Variants in ZCCHC14 observed in about 807,000 individuals in gnomAD.
The protein encoded by ZCCHC14 is zinc finger CCHC domain-containing protein 14.
A neutral mutation model predicts 85.0 loss-of-function variants in ZCCHC14; 16 were observed. The observed-to-expected ratio is 0.19, with a 90% CI of 0.13 to 0.29. The LOEUF is 0.29. Among genes scored for constraint, ZCCHC14 ranks in the 10% least tolerant of loss-of-function variants. The pLI is 1.00. For synonymous variants in ZCCHC14, 775 were observed against 630.7 expected (o/e 1.23, Z -3.43); for missense variants, 1,303 against 1,443.5 (o/e 0.90, Z 1.58).
rs183456742 is a variant in ZCCHC14 at position 87,449,414 on chromosome 16, C to T, written c.694+10594G>A. Among the ~76,000 whole-genome samples the T allele has an allele frequency of 3.9e-3, 592 of 152,126 alleles. 2 individuals carry two copies. The highest frequency in any genetic ancestry group is 5.1e-3 in the Non-Finnish European group (349 of 68,018). On this transcript the variant is annotated intron_variant, in intron 2 of 12. Transcript: ENST00000671377. ...GGGGAAGGGCACCATGGTTCCTGGG[C>T]TCCTAGGCCCTCCATCCATGATCAC...
chr16:87,483,023 G>C (rs1912356302), intron 1 of ZCCHC14, among the ~76,000 whole-genome samples: 1 of 151,496 alleles, frequency 6.6e-6, no homozygotes, highest in African/African-American at 2.4e-5. Flanking sequence ...ATACCAAAAA[G>C]GACTGATAAA....
At chr16:87,424,940 G>A (rs1394963799) in intron 3 of ZCCHC14, among the ~76,000 whole-genome samples, 1 of 152,112 alleles carries the variant, frequency 6.6e-6, no homozygotes, top group East Asian at 1.9e-4. Context: ...AGAAAACGCT[G>A]TATTAACACT....
chr16:87,445,728 T>C (rs1206468473), intron 2 of ZCCHC14, among the ~76,000 whole-genome samples: 1 of 152,204 alleles, frequency 6.6e-6, no homozygotes, highest in Non-Finnish European at 1.5e-5. Flanking sequence ...GCTGACCATC[T>C]GGCCAAGAAC....
At chr16:87,489,238 G>A (rs1484166091) in intron 1 of ZCCHC14, among the ~76,000 whole-genome samples, 3 of 152,050 alleles carry the variant, frequency 2.0e-5, no homozygotes, top group African/African-American at 4.8e-5. Context: ...TAGAAACCAC[G>A]GTTGTTTTGA....
At chr16:87,476,036 G>A (rs1008670758) in intron 1 of ZCCHC14, among the ~76,000 whole-genome samples, 3 of 152,228 alleles carry the variant, frequency 2.0e-5, no homozygotes, top group African/African-American at 7.2e-5. Flanking sequence ...GCCAACAGCA[G>A]AGCCCTGGAG....
At chr16:87,425,326 C>G (rs1909312887) in intron 3 of ZCCHC14, among the ~76,000 whole-genome samples, 1 of 152,146 alleles carries the variant, frequency 6.6e-6, no homozygotes, top group Non-Finnish European at 1.5e-5. Flanking sequence ...CCTGTAATCC[C>G]AGCACTTTGG....
intron 2 of ZCCHC14, 103 bp from the exon 3 acceptor site, chr16:87,433,304 C>A: frequency 7.3e-6 from 8 of 1,092,424 alleles, no homozygotes; most frequent in Non-Finnish European, 1.1e-5. Flanking sequence ...AGGTTCTCAG[C>A]ACCCAAGGCT....
chr16:87,492,397 C>A lies in ZCCHC14; in HGVS notation c.-159G>T, dbSNP rs1354837192. On this transcript the variant is annotated 5_prime_UTR_variant, in exon 1 of 13. Transcript: ENST00000671377. The surrounding 1 kb of genome is among the most constrained non-coding windows in gnomAD (Gnocchi z 6.7). Reference sequence around the variant, plus strand: ...CGGGCGCCGCGGGCCGGGCGGGCGCCGGGGCGGGGGCGGGGACCGGGGCCG... The same window carrying A: ...CGGGCGCCGCGGGCCGGGCGGGCGCAGGGGCGGGGGCGGGGACCGGGGCCG... Among the ~76,000 whole-genome samples, 2 of 140,622 alleles carry A rather than the reference C, an allele frequency of 1.4e-5. No individual in the cohort carries two copies. The highest frequency in any genetic ancestry group is 5.1e-5 in the African/African-American group (2 of 39,064). 92.3% of individuals were successfully genotyped at this position (140,622 alleles called of 152,430 possible). A position where few individuals can be genotyped will look rare whatever the true frequency, so the allele number is the denominator to read the frequency against.
chr16:87,479,558 G>C (rs574295321), intron 1 of ZCCHC14, among the ~76,000 whole-genome samples: 33 of 152,246 alleles, frequency 2.2e-4, no homozygotes, highest in Non-Finnish European at 3.8e-4. Flanking sequence ...ACTGTTGAAA[G>C]TATAAAAGAA....
intron 7 of ZCCHC14, 159 bp from the exon 8 acceptor site, chr16:87,417,901 G>T: frequency 1.2e-6 from 1 of 827,244 alleles, no homozygotes; most frequent in Non-Finnish European, 1.8e-6. Flanking sequence ...GCTGTGCTAT[G>T]ACTGCCCTCC....
intron 1 of ZCCHC14, chr16:87,467,756 A>G (rs1031524118): frequency 3.7e-6 from 2 of 536,084 alleles, no homozygotes; most frequent in Admixed American, 5.8e-5. Context: ...GGTTCACACC[A>G]TTCTCCTGCC....
intron 2 of ZCCHC14, among the ~76,000 whole-genome samples, 167 bp from the exon 3 acceptor site, chr16:87,433,368 G>A (rs948087751): frequency 2.6e-5 from 4 of 152,182 alleles, no homozygotes; most frequent in Non-Finnish European, 4.4e-5. Context: ...AGAGGAAGGC[G>A]GGCGGCAGCA....
In ZCCHC14 at chr16:87,409,099, G is replaced by C. The variant is rs759017057; in HGVS notation, c.*1181C>G. On this transcript the variant is annotated 3_prime_UTR_variant, in exon 13 of 13. Transcript: ENST00000671377. Reference sequence around the variant, plus strand: ...GACTTGCACAGATCTCGCAGCTCTCGGGTGTGTGGCCTCTTCCAGAGTCCT... The same window carrying C: ...GACTTGCACAGATCTCGCAGCTCTCCGGTGTGTGGCCTCTTCCAGAGTCCT... 6.6e-6 allele frequency: 1 copy of C among 152,292 alleles called. No individual in the cohort carries two copies. Among genetic ancestry groups the C allele is most frequent in the Non-Finnish European group, 1.5e-5 (1 of 68,030 alleles). 9.4% of individuals were successfully genotyped at this position (152,292 alleles called of 1,614,324 possible). A position where few individuals can be genotyped will look rare whatever the true frequency, so the allele number is the denominator to read the frequency against.
Position 87,491,441 on chromosome 16 carries a change from T to C in ZCCHC14, c.570+228A>G, listed in dbSNP as rs184885678. Among the ~76,000 whole-genome samples, 1,311 of 149,572 alleles carry C rather than the reference T, an allele frequency of 8.8e-3. 19 individuals are homozygous for C. The highest frequency in any genetic ancestry group is 0.032 in the African/African-American group (1,258 of 39,864). On this transcript the variant is annotated intron_variant, in intron 1 of 12. Coordinates refer to ENST00000671377, the MANE Select transcript of ZCCHC14 (RefSeq NM_015144.3). This position sits in a 1 kb window ranked among gnomAD's most constrained non-coding sequence, Gnocchi z 5.9. ...TACGGCGGAGGCTTGGGATGTACGG[T>C]GGAGGCTTGGAGAGGTGGGGCACAC...
intron 3 of ZCCHC14, among the ~76,000 whole-genome samples, chr16:87,429,744 T>A (rs1159058062): frequency 6.6e-6 from 1 of 152,186 alleles, no homozygotes; most frequent in Admixed American, 6.5e-5. Flanking sequence ...GCAGCTAGGA[T>A]TACAGGTACC....
intron 2 of ZCCHC14, 119 bp from the exon 3 acceptor site, chr16:87,433,320 G>C: frequency 1.1e-6 from 1 of 922,166 alleles, no homozygotes; most frequent in Non-Finnish European, 1.6e-6. Context: ...AGGCTGTCCT[G>C]TCACTTTGGT....
rs771741816 is a variant in ZCCHC14, at chr16:87,413,208, G to A, written c.1604-13C>T. On this transcript the variant is annotated splice_polypyrimidine_tract_variant and intron_variant, in intron 10 of 12. Transcript: ENST00000671377. ...TCCACCCGCAGCTCTGCAGAAAAGG[G>A]ACAGAGGAGCAGCCATCAACTAGCG... 6.5e-7 allele frequency: 1 copy of A among 1,534,418 alleles called. No individual in the cohort carries two copies. The highest frequency in any genetic ancestry group is 8.8e-7 in the Non-Finnish European group (1 of 1,142,254).
At chr16:87,469,190 G>A (rs1045132759) in intron 1 of ZCCHC14, among the ~76,000 whole-genome samples, 1 of 152,128 alleles carries the variant, frequency 6.6e-6, no homozygotes, top group Non-Finnish European at 1.5e-5. Flanking sequence ...TGGGACCACA[G>A]GCATGAGACA....
At chr16:87,428,416 G>A (rs1254570455) in intron 3 of ZCCHC14, among the ~76,000 whole-genome samples, 1 of 152,174 alleles carries the variant, frequency 6.6e-6, no homozygotes, top group Admixed American at 6.5e-5. Context: ...TACGAATGCT[G>A]GCTTATTGCT....
Sources: gnomAD v4.1 joint callset for allele counts (sites outside exome capture counted in the v4.1 genomes callset) on GRCh38, gnomAD v4.1.1 for gene constraint, Gnocchi (gnomAD v3.1) non-coding constraint, MANE v1.5 for transcripts, NCBI Gene and HGNC (gene_info 2026-07-23, HGNC 2026-07-21) for gene names.